The following TAFAZZIN variants were observed in gnomAD, a reference collection of about 807,000 sequenced individuals.
TAFAZZIN encodes protein G4.5.
In TAFAZZIN, 6 loss-of-function variants were observed where a neutral mutation model predicts 27.3. That is an observed-to-expected ratio of 0.22 (90% CI 0.12 to 0.43). The LOEUF (loss-of-function observed/expected upper bound fraction) is 0.43, where lower values mean the gene tolerates loss of function less well. TAFAZZIN is among the 20% of genes least tolerant of loss of function. The probability of loss-of-function intolerance (pLI) is 1.00; values close to 1 mark genes in which losing one functional copy is unlikely to be tolerated. For missense variants in TAFAZZIN, 127 were observed against 244.5 expected, an observed-to-expected ratio of 0.52 and a Z score of 3.21; for synonymous variants, 79 against 96.2, an observed-to-expected ratio of 0.82 and a Z score of 1.04.
Position 154,413,251 on chromosome X carries a change from T to C in TAFAZZIN, c.283T>C (p.Trp95Arg). 8.3e-7 allele frequency: 1 copy of C among 1,211,750 alleles called. No homozygotes were observed. Among genetic ancestry groups the C allele is most frequent in the Non-Finnish European group, 1.1e-6 (1 of 895,436 alleles). ...RHIWNLKLMR[W>R]TPAAADICFT... ...CATCTGGAACCTGAAGTTGATGCGT[T>C]GGTGAGGAGGAATGGGCCCCTCGAA... Residue 95 changes from tryptophan to arginine, a missense_variant and splice_region_variant, in exon 3 of 11, where the codon TGG becomes CGG. Coordinates refer to ENST00000601016, the MANE Select transcript of TAFAZZIN (RefSeq NM_000116.5).
chrX:154,416,321 C>T (rs915440487), intron 5 of TAFAZZIN, among the ~76,000 whole-genome samples: 15 of 110,894 alleles, frequency 1.4e-4, no homozygotes, highest in Non-Finnish European at 2.5e-4. Context: ...GGCACAAACC[C>T]GGGAGGCGGA....
At position 154,412,409 on chromosome X, in the gene TAFAZZIN, G is replaced by T. The variant is rs190461926; in HGVS notation, c.238+195G>T. 2.5e-4 allele frequency: 139 copies of T among 550,880 alleles called. No homozygotes were observed. In the African/African-American group the frequency reaches 2.9e-3, roughly 11 times the overall value. 45.4% of individuals were successfully genotyped at this position (550,880 alleles called of 1,213,427 possible). On this transcript the variant is annotated intron_variant, in intron 2 of 10. Transcript: ENST00000601016. ...CCTGAGGGAGCATGATTTGGAGAGG[G>T]CCTTGGGCATGGAGCAGGACCAAGG...
chrX:154,420,316 G>C, intron 9 of TAFAZZIN, 52 bp downstream of exon 9: 5 of 1,188,290 alleles, frequency 4.2e-6, no homozygotes, highest in Non-Finnish European at 4.6e-6. Context: ...TGTCTGCTCC[G>C]TGTCTCCCAC....
intron 9 of TAFAZZIN, 47 bp downstream of exon 9, chrX:154,420,311 G>A: frequency 8.4e-7 from 1 of 1,192,778 alleles, no homozygotes; most frequent in Non-Finnish European, 1.1e-6. Flanking sequence ...TCTGCTGTCT[G>A]CTCCGTGTCT....
At chrX:154,413,808 T>G (rs1334518741) in intron 4 of TAFAZZIN, 2 of 444,117 alleles carry the variant, frequency 4.5e-6, no homozygotes, top group Non-Finnish European at 7.9e-6. Flanking sequence ...GGCATTAGAA[T>G]TCAAGGAGGC....
intron 7 of TAFAZZIN, 114 bp from the exon 8 acceptor site, chrX:154,419,918 C>G: frequency 9.0e-7 from 1 of 1,115,757 alleles, no homozygotes; most frequent in Non-Finnish European, 1.2e-6. Context: ...GGGGCTTGCC[C>G]AAGGGAGCTG....
At chrX:154,412,433 G>C in intron 2 of TAFAZZIN, 1 of 466,356 alleles carries the variant, frequency 2.1e-6, no homozygotes, top group Non-Finnish European at 3.6e-6. Flanking sequence ...GCAGGACCAA[G>C]GAACGGCCAC....
In TAFAZZIN at chrX:154,413,565, G is replaced by A; in HGVS notation, c.368G>A (p.Arg123Gln). The A allele has an allele frequency of 1.7e-6, 2 of 1,211,556 alleles. No homozygotes were observed. The highest frequency in any genetic ancestry group is 2.2e-6 in the Non-Finnish European group (2 of 895,106). Residue 123 changes from arginine (R) to glutamine (Q), a missense_variant and splice_region_variant, in exon 4 of 11, where the codon CGA becomes CAA. Arg to Gln is a conservative substitution (Grantham distance 43, BLOSUM62 1). This residue lies in a region of TAFAZZIN where 79 missense variants were observed against 188.7 expected (regional missense o/e 0.42). Transcript: ENST00000601016. Reference sequence around the variant, plus strand: ...TTGGGCAAGTGTGTGCCTGTGTGCCGAGGTGAGCTGCTCCTCCAGCGAGTG... The same window carrying A: ...TTGGGCAAGTGTGTGCCTGTGTGCCAAGGTGAGCTGCTCCTCCAGCGAGTG... ...FSLGKCVPVCRGAEFFQAENE... is the reference protein window; with the variant it reads ...FSLGKCVPVCQGAEFFQAENE...
At chrX:154,413,452 G>T in intron 3 of TAFAZZIN, 30 bp from the exon 4 acceptor site, 1 of 1,208,300 alleles carries the variant, frequency 8.3e-7, no homozygotes, top group Non-Finnish European at 1.1e-6. Flanking sequence ...GGTGCAGGGG[G>T]CAGGACTAAT....
At chrX:154,412,297 CG>C in intron 2 of TAFAZZIN, 83 bp downstream of exon 2, 1 of 1,119,449 alleles carries the variant, frequency 8.9e-7, no homozygotes, top group East Asian at 3.3e-5. Context: ...AACCCCTTCT[CG>C]CTGCCTTTTC....
chrX:154,411,996 C>T (rs1046778413), intron 1 of TAFAZZIN, 44 bp downstream of exon 1: 3 of 1,199,154 alleles, frequency 2.5e-6, no homozygotes, highest in African/African-American at 3.5e-5. Context: ...GGTACCCATG[C>T]CCGGCCGGAG....
chrX:154,417,808 T>C (rs1235543515), intron 5 of TAFAZZIN, among the ~76,000 whole-genome samples: 1 of 111,817 alleles, frequency 8.9e-6, no homozygotes, highest in Non-Finnish European at 1.9e-5. Context: ...GACCGTGGCA[T>C]TGTTTATCCC....
At position 154,420,066 on chromosome X, in the gene TAFAZZIN, C is replaced by T; in HGVS notation, c.618C>T (p.Asn206=). ...IGRLIAECHL[N]PIILPLWHVG... is the part of the protein sequence containing the mutation. ...GCCTGATTGCTGAGTGTCATCTCAA[C>T]CCCATCATCCTGCCCCTGTGGCATG... is the stretch of plus-strand genomic sequence containing the variant. Residue 206 remains asparagine (N), a synonymous_variant, in exon 8 of 11, where the codon AAC becomes AAT. Transcript: ENST00000601016. The T allele has an allele frequency of 8.3e-7, 1 of 1,212,061 alleles. No individual in the cohort carries two copies. Among genetic ancestry groups the T allele is most frequent in the Non-Finnish European group, 1.1e-6 (1 of 895,505 alleles).
intron 2 of TAFAZZIN, chrX:154,412,894 C>T (rs781842444): frequency 5.6e-5 from 21 of 372,581 alleles, no homozygotes; most frequent in South Asian, 4.6e-4. Context: ...GGAAGGAGGA[C>T]TTGGAGCCAT....
intron 5 of TAFAZZIN, among the ~76,000 whole-genome samples, chrX:154,414,765 C>T (rs1347925666): frequency 4.6e-5 from 5 of 107,695 alleles, no homozygotes; most frequent in African/African-American, 1.4e-4. Flanking sequence ...CCGAGGCGGG[C>T]GGATCACGAG....
At chrX:154,417,362 T>C (rs1452224489) in intron 5 of TAFAZZIN, among the ~76,000 whole-genome samples, 6 of 110,661 alleles carry the variant, frequency 5.4e-5, no homozygotes, top group African/African-American at 2.0e-4. Context: ...TGGAGAAGCG[T>C]TTCCATGCAG....
At chrX:154,412,277 C>G in intron 2 of TAFAZZIN, 63 bp downstream of exon 2, 1 of 1,151,381 alleles carries the variant, frequency 8.7e-7, no homozygotes, top group Middle Eastern at 2.5e-4. Context: ...GGCCCAGCCT[C>G]GTCAGAACAA....
chrX:154,421,131 G>T lies in TAFAZZIN; in HGVS notation c.*127G>T, dbSNP rs1557194657. The T allele has an allele frequency of 5.0e-6, 3 of 605,891 alleles. No homozygotes were observed. The highest frequency in any genetic ancestry group is 8.1e-6 in the Non-Finnish European group (3 of 370,183). 49.9% of individuals were successfully genotyped at this position (605,891 alleles called of 1,213,427 possible). A position where few individuals can be genotyped will look rare whatever the true frequency, so the allele number is the denominator to read the frequency against. On this transcript the variant is annotated 3_prime_UTR_variant, in exon 11 of 11. Transcript: ENST00000601016. ...ATAGACCCTCTCAAGTGCCCTCTCCGAGCTGGTAGGCATTCCAGCTCCTCC... is the reference window on the plus strand; with the variant it reads ...ATAGACCCTCTCAAGTGCCCTCTCCTAGCTGGTAGGCATTCCAGCTCCTCC...
intron 7 of TAFAZZIN, 38 bp downstream of exon 7, chrX:154,419,784 G>T: frequency 3.3e-6 from 4 of 1,210,670 alleles, no homozygotes; most frequent in Non-Finnish European, 3.4e-6. Context: ...CCATCCTCCC[G>T]GCCCAGAGAT....
Sources: allele counts gnomAD v4.1 joint callset (sites outside exome capture counted in the v4.1 genomes callset), GRCh38; gene constraint gnomAD v4.1.1; regional missense constraint gnomAD v4.1.1; transcripts MANE v1.5; gene names NCBI Gene and HGNC (gene_info 2026-07-23, HGNC 2026-07-21).